RB1CC1: variants seen among roughly 807,000 people sequenced by gnomAD.
RB1CC1 encodes RB1 inducible coiled-coil 1.
A neutral mutation model predicts 177.5 loss-of-function variants in RB1CC1; 46 were observed. That is an observed-to-expected ratio of 0.26 (90% CI 0.20 to 0.33). RB1CC1 has a LOEUF of 0.33. Among genes scored for constraint, RB1CC1 ranks in the 10% least tolerant of loss-of-function variants. RB1CC1 has a pLI of 1.00. For synonymous variants in RB1CC1, 666 were observed against 613.6 expected (o/e 1.09, Z -1.26); for missense variants, 1,703 against 1,816.3 (o/e 0.94, Z 1.13).
chr8:52,625,912 T>A (rs566056967), intron 22 of RB1CC1, among the ~76,000 whole-genome samples: 3 of 152,180 alleles, frequency 2.0e-5, no homozygotes, highest in Non-Finnish European at 4.4e-5. Flanking sequence ...CGGATTTTTA[T>A]TCCATACAAA....
intron 4 of RB1CC1, 29 bp downstream of exon 4, chr8:52,683,858 C>A (rs751040471): frequency 1.2e-6 from 2 of 1,605,382 alleles, no homozygotes; most frequent in East Asian, 4.5e-5. Flanking sequence ...ATGTTGCATT[C>A]TTGTGTGAAA....
At chr8:52,624,537 T>C (rs755178796) in intron 23 of RB1CC1, among the ~76,000 whole-genome samples, 180 bp downstream of exon 23, 30 of 152,112 alleles carry the variant, frequency 2.0e-4, no homozygotes, top group Middle Eastern at 3.4e-3. Flanking sequence ...CTATCTCTAC[T>C]ATCTAAGGGC....
At chr8:52,659,000 TA>T in intron 12 of RB1CC1, 24 bp from the exon 13 acceptor site, 2 of 1,403,846 alleles carry the variant, frequency 1.4e-6, no homozygotes, top group East Asian at 2.6e-5. Context: ...ATTAATTACT[TA>T]AAAAATTTTT....
intron 3 of RB1CC1, among the ~76,000 whole-genome samples, chr8:52,685,002 CTT>C (rs34656821): frequency 0.19 from 24,209 of 130,176 alleles, 2,616 homozygotes; most frequent in East Asian, 0.63. Flanking sequence ...ATTATGTGAC[CTT>C]TTTTTTTTTT....
At chr8:52,706,528 T>C (rs1017048525) in intron 1 of RB1CC1, among the ~76,000 whole-genome samples, 26 of 151,536 alleles carry the variant, frequency 1.7e-4, no homozygotes, top group East Asian at 8.0e-4. Flanking sequence ...GTCAGGAGAT[T>C]GAGACCATCC....
At chr8:52,711,789 C>G (rs914866988) in intron 1 of RB1CC1, among the ~76,000 whole-genome samples, 7 of 152,234 alleles carry the variant, frequency 4.6e-5, no homozygotes, top group African/African-American at 1.4e-4. Context: ...TATCGCCTCT[C>G]TCATACCAGT....
chr8:52,684,071 T>A, intron 3 of RB1CC1, 58 bp from the exon 4 acceptor site: 1 of 1,542,884 alleles, frequency 6.5e-7, no homozygotes, highest in African/African-American at 1.4e-5. Flanking sequence ...GACTTTATTT[T>A]CCAAGTAGTA....
chr8:52,667,770 C>A (rs958525541), intron 8 of RB1CC1, among the ~76,000 whole-genome samples: 3 of 152,204 alleles, frequency 2.0e-5, no homozygotes, highest in Non-Finnish European at 4.4e-5. Context: ...ATATGATCAT[C>A]TGCTTTCAAC....
intron 1 of RB1CC1, among the ~76,000 whole-genome samples, chr8:52,690,614 A>C (rs1467672309): frequency 1.3e-5 from 2 of 152,238 alleles, no homozygotes; most frequent in African/African-American, 4.8e-5. Flanking sequence ...AAGCAGTACA[A>C]GGAGACACAC....
intron 5 of RB1CC1, among the ~76,000 whole-genome samples, chr8:52,680,543 C>A (rs1026669086): frequency 1.3e-5 from 2 of 152,180 alleles, no homozygotes; most frequent in Admixed American, 6.5e-5. Flanking sequence ...AGATTTAACA[C>A]TGTCAAAGTA....
chr8:52,647,141 T>C (rs1485761102), intron 15 of RB1CC1, among the ~76,000 whole-genome samples: 1 of 152,204 alleles, frequency 6.6e-6, no homozygotes, highest in African/African-American at 2.4e-5. Flanking sequence ...ATACAAAAAA[T>C]TATTGGAATC....
intron 8 of RB1CC1, among the ~76,000 whole-genome samples, chr8:52,665,200 A>G (rs1045093686): frequency 8.3e-4 from 126 of 152,236 alleles, no homozygotes; most frequent in Non-Finnish European, 1.3e-4. Context: ...AACAGAGACA[A>G]TATCTGTATG....
chr8:52,712,239 C>A (rs1415289062), intron 1 of RB1CC1, among the ~76,000 whole-genome samples: 1 of 152,162 alleles, frequency 6.6e-6, no homozygotes, highest in Non-Finnish European at 1.5e-5. Context: ...AAAATTTTAT[C>A]AGCCATTCTT....
At chr8:52,683,778 C>T in intron 4 of RB1CC1, 59 bp from the exon 5 acceptor site, 1 of 1,557,104 alleles carries the variant, frequency 6.4e-7, no homozygotes, top group Non-Finnish European at 8.7e-7. Context: ...ACTGAGCGTG[C>T]ACATTGCCTT....
At chr8:52,662,300 A>C (rs1851701717) in intron 8 of RB1CC1, among the ~76,000 whole-genome samples, 1 of 151,982 alleles carries the variant, frequency 6.6e-6, no homozygotes, top group African/African-American at 2.4e-5. Context: ...TGGTAGAAAA[A>C]CATTTTTTCT....
intron 22 of RB1CC1, among the ~76,000 whole-genome samples, chr8:52,625,903 G>C (rs1339559926): frequency 6.6e-6 from 1 of 152,066 alleles, no homozygotes; most frequent in East Asian, 1.9e-4. Flanking sequence ...GAAGGCATAC[G>C]GATTTTTATT....
At chr8:52,679,126 C>T (rs1369798193) in intron 5 of RB1CC1, among the ~76,000 whole-genome samples, 4 of 152,106 alleles carry the variant, frequency 2.6e-5, no homozygotes, top group Non-Finnish European at 5.9e-5. Context: ...ATCTCGGGAA[C>T]CCAAAATCAC....
chr8:52,625,738 C>T (rs1206594340), intron 22 of RB1CC1, among the ~76,000 whole-genome samples: 1 of 152,036 alleles, frequency 6.6e-6, no homozygotes, highest in African/African-American at 2.4e-5. Context: ...TTATTGAATA[C>T]TAAAAGTGAA....
At chr8:52,671,885 T>G (rs1017247540) in intron 7 of RB1CC1, among the ~76,000 whole-genome samples, 2 of 152,100 alleles carry the variant, frequency 1.3e-5, no homozygotes, top group African/African-American at 4.8e-5. Flanking sequence ...CTAATGGGCA[T>G]ATACAACTAA....
Sources: allele counts gnomAD v4.1 joint callset (sites outside exome capture counted in the v4.1 genomes callset), GRCh38; gene constraint gnomAD v4.1.1; transcripts MANE v1.5; gene names NCBI Gene and HGNC (gene_info 2026-07-23, HGNC 2026-07-21).